RASSF8: variants seen among roughly 807,000 people sequenced by gnomAD.
The protein encoded by RASSF8 is ras association domain-containing protein 8.
RASSF8 carries 22 observed loss-of-function variants against 48.5 expected under a neutral mutation model. The ratio of observed to expected loss-of-function variants is 0.45; its 90% CI spans 0.32 to 0.65. The LOEUF is 0.65. Ranked by LOEUF, RASSF8 falls within the 30% of genes least tolerant of loss-of-function variation. The pLI is 0.03. For synonymous variants in RASSF8, 127 were observed against 171.5 expected, an observed-to-expected ratio of 0.74 and a Z score of 2.03; for missense variants, 418 against 489.2, an observed-to-expected ratio of 0.85 and a Z score of 1.37.
chr12:26,071,860 A>G lies in RASSF8; in HGVS notation c.*3042A>G. The G allele has an allele frequency of 1.0e-6, 1 of 984,494 alleles. No homozygotes were observed. The highest frequency in any genetic ancestry group is 1.2e-6 in the Non-Finnish European group (1 of 829,044). The allele number at this position is 984,494 out of a possible 1,614,324, so 61.0% of individuals were successfully genotyped here. On this transcript the variant is annotated 3_prime_UTR_variant, in exon 6 of 6. Transcript: ENST00000689635. ...GGTGTGAAATATGAAGTATAGCAAT[A>G]TATAACAAGAACATGTAAGCACTTG... is the stretch of plus-strand genomic sequence containing the variant.
chr12:26,037,989 G>A (rs1361401254), intron 2 of RASSF8, among the ~76,000 whole-genome samples: 1 of 152,212 alleles, frequency 6.6e-6, no homozygotes, highest in Non-Finnish European at 1.5e-5. Context: ...CTGAGTGCCT[G>A]TGCTGTGTGT....
chr12:26,005,819 T>C (rs1664944957), intron 2 of RASSF8, among the ~76,000 whole-genome samples: 1 of 152,230 alleles, frequency 6.6e-6, no homozygotes, highest in African/African-American at 2.4e-5. Flanking sequence ...TCAGCTAGGC[T>C]ATACTTGCTC....
intron 2 of RASSF8, among the ~76,000 whole-genome samples, chr12:26,006,291 A>C (rs917610324): frequency 2.0e-5 from 3 of 152,160 alleles, no homozygotes; most frequent in Non-Finnish European, 2.9e-5. Context: ...ATCTGGGTGC[A>C]AGTCAGCTTC....
intron 1 of RASSF8, among the ~76,000 whole-genome samples, chr12:25,979,132 C>A (rs1941678747): frequency 6.6e-6 from 1 of 152,096 alleles, no homozygotes; most frequent in African/African-American, 2.4e-5. Context: ...ATCATTCTTC[C>A]AATCACTTAT....
At chr12:26,028,043 G>C (rs1942953268) in intron 2 of RASSF8, among the ~76,000 whole-genome samples, 1 of 152,184 alleles carries the variant, frequency 6.6e-6, no homozygotes, top group Non-Finnish European at 1.5e-5. Context: ...CAGCATCGGG[G>C]TCTTGGTGAA....
At chr12:26,003,744 GTAT>G (rs1385642595) in intron 2 of RASSF8, among the ~76,000 whole-genome samples, 3 of 151,898 alleles carry the variant, frequency 2.0e-5, no homozygotes, top group African/African-American at 7.3e-5. Flanking sequence ...TGTAAAGCAA[GTAT>G]TAATAATCAG....
Position 26,072,386 on chromosome 12 carries a change from G to A in RASSF8, c.*3568G>A, listed in dbSNP as rs944537044. 4.1e-6 allele frequency: 4 copies of A among 984,750 alleles called. No homozygotes were observed. The highest frequency in any genetic ancestry group is 4.8e-6 in the Non-Finnish European group (4 of 829,464). 61.0% of individuals were successfully genotyped at this position (984,750 alleles called of 1,614,324 possible). A position where few individuals can be genotyped will look rare whatever the true frequency, so the allele number is the denominator to read the frequency against. On this transcript the variant is annotated 3_prime_UTR_variant, in exon 6 of 6. Transcript: ENST00000689635. ...CTCCAGAATAAGCTTTCGATGCCAG[G>A]ACAGTGACTGCCTGAAAGCTGCAGG...
intron 2 of RASSF8, chr12:26,011,740 T>C (rs925442669): frequency 6.6e-6 from 1 of 152,178 alleles, no homozygotes; most frequent in African/African-American, 2.4e-5. Context: ...GCACCATCAC[T>C]ATCAGCGAAC....
At chr12:25,980,095 A>T (rs768940666) in intron 1 of RASSF8, among the ~76,000 whole-genome samples, 19 of 152,232 alleles carry the variant, frequency 1.2e-4, no homozygotes, top group African/African-American at 4.6e-4. Context: ...TTCTGCTTTC[A>T]TCAGGTTTTC....
At chr12:26,077,642 A>G (rs149613755), downstream of RASSF8, among the ~76,000 whole-genome samples, 21 of 152,298 alleles carry the variant, frequency 1.4e-4, no homozygotes, top group Non-Finnish European at 2.4e-4. Context: ...TGGTACCAGT[A>G]CCATGCTATT....
chr12:26,037,406 T>C (rs1943176550), intron 2 of RASSF8, among the ~76,000 whole-genome samples: 2 of 152,344 alleles, frequency 1.3e-5, no homozygotes, highest in Non-Finnish European at 2.9e-5. Flanking sequence ...TTAAATTTTC[T>C]TACAAGGTAT....
At chr12:26,051,106 AT>A (rs982488235) in intron 2 of RASSF8, among the ~76,000 whole-genome samples, 3 of 152,074 alleles carry the variant, frequency 2.0e-5, no homozygotes, top group Non-Finnish European at 2.9e-5. Flanking sequence ...AAATTACTAG[AT>A]TTTTTTGACA....
intron 1 of RASSF8, among the ~76,000 whole-genome samples, chr12:25,963,690 G>C (rs1180932399): frequency 6.6e-6 from 1 of 152,164 alleles, no homozygotes; most frequent in African/African-American, 2.4e-5. Context: ...TTCCCAAACT[G>C]TGATCCTTTG....
intron 1 of RASSF8, among the ~76,000 whole-genome samples, chr12:25,983,053 T>C (rs1027130226): frequency 2.6e-5 from 4 of 152,170 alleles, no homozygotes; most frequent in African/African-American, 4.8e-5. Flanking sequence ...TAAGAAATTT[T>C]AATGACAGTC....
In RASSF8 at chr12:26,070,624, A is replaced by G; in HGVS notation, c.*1806A>G. 1.0e-6 allele frequency: 1 copy of G among 954,724 alleles called. No individual in the cohort carries two copies. Among genetic ancestry groups the G allele is most frequent in the Non-Finnish European group, 1.2e-6 (1 of 802,122 alleles). 59.1% of individuals were successfully genotyped at this position (954,724 alleles called of 1,614,324 possible). On this transcript the variant is annotated 3_prime_UTR_variant, in exon 6 of 6. Transcript: ENST00000689635. The stretch of plus-strand genomic sequence containing the variant: ...ACCTATATTTAAAATTAGGATGATT[A>G]AAAAATAATTTATAGATTTTGTGAC...
chr12:26,000,982 CTTTTTTTT>C (rs34793650), intron 2 of RASSF8, among the ~76,000 whole-genome samples: 3 of 81,044 alleles, frequency 3.7e-5, no homozygotes, highest in South Asian at 4.8e-4. Context: ...TTAAAATTTC[CTTTTTTTT>C]TTTTTTTTTT....
chr12:26,062,106 A>G (rs1943756833), intron 3 of RASSF8, among the ~76,000 whole-genome samples: 1 of 152,226 alleles, frequency 6.6e-6, no homozygotes, highest in Admixed American at 6.5e-5. Flanking sequence ...ATAGAATTGG[A>G]AAGAACTCTA....
chr12:26,033,074 A>G (rs953011664), intron 2 of RASSF8, among the ~76,000 whole-genome samples: 2 of 152,220 alleles, frequency 1.3e-5, no homozygotes, highest in Non-Finnish European at 1.5e-5. Flanking sequence ...TACTTCAACT[A>G]TCCTTGAAAT....
intron 2 of RASSF8, among the ~76,000 whole-genome samples, chr12:26,049,940 A>G (rs1040717508): frequency 2.0e-5 from 3 of 152,124 alleles, no homozygotes; most frequent in Non-Finnish European, 4.4e-5. Context: ...GCCCGCCACC[A>G]CGCCCGGCTA....
Sources: gnomAD v4.1 joint callset for allele counts (sites outside exome capture counted in the v4.1 genomes callset) on GRCh38, gnomAD v4.1.1 for gene constraint, MANE v1.5 for transcripts, NCBI Gene and HGNC (gene_info 2026-07-23, HGNC 2026-07-21) for gene names.